Variants in MCF2L2 observed in about 807,000 individuals in gnomAD.
MCF2L2 encodes probable guanine nucleotide exchange factor MCF2L2.
A neutral mutation model predicts 150.2 loss-of-function variants in MCF2L2; 102 were observed. That is an observed-to-expected ratio of 0.68 (90% CI 0.58 to 0.80). The LOEUF (loss-of-function observed/expected upper bound fraction) is 0.80, where lower values mean the gene tolerates loss of function less well. MCF2L2 is among the 30% of genes least tolerant of loss of function. MCF2L2 has a pLI of 0.00. For synonymous variants in MCF2L2, 465 were observed against 491.3 expected, an observed-to-expected ratio of 0.95 and a Z score of 0.71; for missense variants, 1,256 against 1,372.8, an observed-to-expected ratio of 0.91 and a Z score of 1.34.
At chr3:183,231,685 C>G (rs1347214113) in intron 15 of MCF2L2, among the ~76,000 whole-genome samples, 2 of 151,642 alleles carry the variant, frequency 1.3e-5, no homozygotes, top group East Asian at 3.9e-4. Flanking sequence ...TCTCAAACTG[C>G]TACTTTCAAG....
chr3:183,219,475 G>A (rs968242901), intron 21 of MCF2L2, among the ~76,000 whole-genome samples: 2 of 152,224 alleles, frequency 1.3e-5, no homozygotes, highest in South Asian at 2.1e-4. Flanking sequence ...GCTGTGCATG[G>A]TGGCGGGCAC....
At chr3:183,204,109 A>C (rs1722390924) in intron 25 of MCF2L2, among the ~76,000 whole-genome samples, 1 of 152,218 alleles carries the variant, frequency 6.6e-6, no homozygotes, top group African/African-American at 2.4e-5. Context: ...CATCATATAC[A>C]AAAATTAACT....
At chr3:183,329,546 T>C (rs984228804) in intron 5 of MCF2L2, among the ~76,000 whole-genome samples, 9 of 152,200 alleles carry the variant, frequency 5.9e-5, no homozygotes, top group African/African-American at 2.2e-4. Flanking sequence ...TCCTGGTGAA[T>C]GGTGAACAGA....
chr3:183,342,636 G>A (rs1385414660), intron 3 of MCF2L2, among the ~76,000 whole-genome samples: 5 of 92,500 alleles, frequency 5.4e-5, no homozygotes, highest in Admixed American at 3.9e-4. Context: ...GTGTGTGTGT[G>A]TGTGTGTGTG....
intron 3 of MCF2L2, among the ~76,000 whole-genome samples, chr3:183,351,237 T>TATATAG (rs1491416087): frequency 1.3e-5 from 1 of 79,550 alleles, no homozygotes; most frequent in Non-Finnish European, 2.3e-5. Context: ...TATATATATA[T>TATATAG]TTATTTATTT....
chr3:183,392,738 A>G (rs1488206517), intron 1 of MCF2L2, among the ~76,000 whole-genome samples: 2 of 152,124 alleles, frequency 1.3e-5, no homozygotes, highest in African/African-American at 4.8e-5. Flanking sequence ...GTTGCCTGAC[A>G]CTTGTGGTCC....
intron 3 of MCF2L2, among the ~76,000 whole-genome samples, chr3:183,348,915 T>C (rs1731006007): frequency 6.6e-6 from 1 of 152,170 alleles, no homozygotes; most frequent in African/African-American, 2.4e-5. Flanking sequence ...TCCACAAAGT[T>C]TGAGATTCTA....
At chr3:183,334,044 G>C (rs1730372899) in intron 5 of MCF2L2, among the ~76,000 whole-genome samples, 1 of 151,576 alleles carries the variant, frequency 6.6e-6, no homozygotes, top group African/African-American at 2.4e-5. Flanking sequence ...GGCCAAATCT[G>C]GGACAGCTGG....
intron 15 of MCF2L2, 181 bp from the exon 16 acceptor site, chr3:183,231,198 C>T: frequency 1.5e-6 from 1 of 683,082 alleles, no homozygotes; most frequent in Non-Finnish European, 2.7e-6. Context: ...CTCACAAACG[C>T]ACACTGTGAT....
Position 183,360,986 on chromosome 3 carries a change from A to AGAGAAGAGAAGAGAAG in MCF2L2, c.275+18310_275+18311insCTTCTCTTCTCTTCTC, listed in dbSNP as rs1560040059. Among the ~76,000 whole-genome samples the AGAGAAGAGAAGAGAAG allele has an allele frequency of 1.2e-4, 16 of 130,276 alleles. No individual in the cohort carries two copies. The East Asian group carries it at 3.0e-3, about 25-fold the overall frequency. The allele number at this position is 130,276 out of a possible 152,430, so 85.5% of individuals were successfully genotyped here. On this transcript the variant is annotated intron_variant, in intron 3 of 29. Transcript: ENST00000328913. Reference sequence around the variant, plus strand: ...AAGAAAAGAAAAGAAAAGAAAAGAAAAGAAAAGAAAAGAAAAGAAAAGAAA... The same window carrying AGAGAAGAGAAGAGAAG: ...AAGAAAAGAAAAGAAAAGAAAAGAAAGAGAAGAGAAGAGAAGAGAAAAGAAAAGAAAAGAAAAGAAA...
chr3:183,343,817 A>G (rs1730796324), intron 3 of MCF2L2, among the ~76,000 whole-genome samples: 1 of 152,218 alleles, frequency 6.6e-6, no homozygotes, highest in African/African-American at 2.4e-5. Flanking sequence ...CAGTATTATT[A>G]TAAAATAAAT....
intron 21 of MCF2L2, among the ~76,000 whole-genome samples, chr3:183,217,397 G>C (rs1004854936): frequency 1.3e-5 from 2 of 150,350 alleles, no homozygotes; most frequent in Non-Finnish European, 3.0e-5. Context: ...GCTTGAACAC[G>C]GGAGGTGGAG....
At chr3:183,263,635 G>C (rs2108426837) in intron 15 of MCF2L2, among the ~76,000 whole-genome samples, 1 of 152,092 alleles carries the variant, frequency 6.6e-6, no homozygotes, top group Admixed American at 6.5e-5. Context: ...TTCATGCTCA[G>C]AGTACCCACC....
chr3:183,272,467 A>AT, intron 15 of MCF2L2: 1 of 999,296 alleles, frequency 1.0e-6, no homozygotes, highest in Non-Finnish European at 1.2e-6. Context: ...ACACAACTGA[A>AT]TGATGATACT....
chr3:183,377,485 A>G (rs1230514051), intron 3 of MCF2L2: 1 of 152,204 alleles, frequency 6.6e-6, no homozygotes, highest in Non-Finnish European at 1.5e-5. Flanking sequence ...AACTCTACCA[A>G]CATTACTTTT....
At chr3:183,381,924 A>T (rs970364207) in intron 2 of MCF2L2, among the ~76,000 whole-genome samples, 1 of 152,214 alleles carries the variant, frequency 6.6e-6, no homozygotes, top group Admixed American at 6.5e-5. Context: ...AAGCTAAATT[A>T]AGATGCATTA....
intron 19 of MCF2L2, 121 bp from the exon 20 acceptor site, chr3:183,223,559 G>A (rs1022771808): frequency 2.9e-5 from 20 of 691,466 alleles, no homozygotes; most frequent in Admixed American, 1.1e-4. Context: ...CAGCTGTGTC[G>A]AGCAGCTCCA....
chr3:183,215,262 T>C (rs1273283760), intron 22 of MCF2L2, among the ~76,000 whole-genome samples: 1 of 152,192 alleles, frequency 6.6e-6, no homozygotes, highest in Non-Finnish European at 1.5e-5. Context: ...TATGGTAATT[T>C]ATTATGACAG....
chr3:183,361,102 CAAGAA>C (rs1266001293), intron 3 of MCF2L2, among the ~76,000 whole-genome samples: 4 of 97,366 alleles, frequency 4.1e-5, no homozygotes, highest in Admixed American at 1.0e-4. Context: ...CAAGACAAGA[CAAGAA>C]AAGAAAAAAG....
Sources: allele counts gnomAD v4.1 joint callset (sites outside exome capture counted in the v4.1 genomes callset), GRCh38; gene constraint gnomAD v4.1.1; transcripts MANE v1.5; gene names NCBI Gene and HGNC (gene_info 2026-07-23, HGNC 2026-07-21).